ATP13A1: variants seen among roughly 807,000 people sequenced by gnomAD.
ATP13A1 encodes ATPase 13A1, also known as endoplasmic reticulum transmembrane helix translocase.
ATP13A1 carries 55 observed loss-of-function variants against 134.8 expected under a neutral mutation model. That is an observed-to-expected ratio of 0.41 (90% confidence interval 0.33 to 0.51). The LOEUF (loss-of-function observed/expected upper bound fraction) is 0.51, where lower values mean the gene tolerates loss of function less well. Ranked by LOEUF, ATP13A1 falls within the 20% of genes least tolerant of loss-of-function variation. The pLI is 0.29. For synonymous variants in ATP13A1, 775 were observed against 725.1 expected (o/e 1.07, Z -1.10); for missense variants, 1,389 against 1,652.8 (o/e 0.84, Z 2.77).
At chr19:19,651,469 G>T in intron 17 of ATP13A1, 1 of 453,026 alleles carries the variant, frequency 2.2e-6, no homozygotes, top group African/African-American at 2.0e-5. Flanking sequence ...CCTCATTATG[G>T]TAAATAAACA....
At chr19:19,662,400 G>A in intron 1 of ATP13A1, 3 of 979,686 alleles carry the variant, frequency 3.1e-6, no homozygotes, top group Non-Finnish European at 3.6e-6. Context: ...CCTTGATGCT[G>A]TTCCCTTTTC....
Position 19,647,492 on chromosome 19 carries a change from C to T in ATP13A1, c.2830G>A (p.Glu944Lys), listed in dbSNP as rs529487345. The change falls in exon 21 of 26, where the codon GAG (glutamate) becomes AAG (lysine). Residue 944 changes from glutamate to lysine, a missense_variant. Physicochemically the swap from Glu to Lys is moderately conservative, Grantham distance 56. Transcript: ENST00000357324. This position sits in a 1 kb window ranked among gnomAD's most constrained non-coding sequence, Gnocchi z 4.8. Reference protein sequence around the residue: ...LSQVLRDLEDESTPIVKLGDA... With the variant: ...LSQVLRDLEDKSTPIVKLGDA... ...CCCAGTTTCACAATGGGCGTACTCT[C>T]GTCCTCGAGGTCTCGCAGCACCTGG... 8.1e-6 allele frequency: 13 copies of T among 1,613,176 alleles called. No individual in the cohort carries two copies. The highest frequency in any genetic ancestry group is 4.5e-5 in the East Asian group (2 of 44,856).
At position 19,653,744 on chromosome 19, in the gene ATP13A1, C is replaced by T; in HGVS notation, c.2100+40G>A. ...GGTGACTCAGGGAGGAGCTGACGGG[C>T]CAGGCACATGGTGAAGGCAGGGGGA... On this transcript the variant is annotated intron_variant, in intron 15 of 25. Transcript: ENST00000357324. The surrounding 1 kb of genome is among the most constrained non-coding windows in gnomAD (Gnocchi z 4.2). 3 of 1,501,516 alleles carry T rather than the reference C, an allele frequency of 2.0e-6. 1 individual carries two copies. In the Admixed American group the frequency reaches 5.9e-5, roughly 30 times the overall value. The allele number at this position is 1,501,516 out of a possible 1,614,324, so 93.0% of individuals were successfully genotyped here. A position where few individuals can be genotyped will look rare whatever the true frequency, so the allele number is the denominator to read the frequency against.
chr19:19,649,077 G>A (rs916098784), intron 19 of ATP13A1, among the ~76,000 whole-genome samples: 2 of 151,926 alleles, frequency 1.3e-5, no homozygotes, highest in Non-Finnish European at 1.5e-5. Flanking sequence ...AGCCCAGATC[G>A]TGCCATTGTA....
chr19:19,652,848 T>A, intron 15 of ATP13A1, 128 bp from the exon 16 acceptor site: 3 of 1,314,592 alleles, frequency 2.3e-6, no homozygotes, highest in Non-Finnish European at 3.0e-6. Flanking sequence ...AGTGGGCACA[T>A]GCGAGGGTTG....
intron 22 of ATP13A1, chr19:19,646,816 C>A: frequency 2.3e-6 from 1 of 441,344 alleles, no homozygotes; most frequent in Admixed American, 3.9e-5. Context: ...CCAGCCTGTC[C>A]TGTGTAGCCT....
At chr19:19,657,769 G>T (rs1425872769) in intron 3 of ATP13A1, among the ~76,000 whole-genome samples, 1 of 152,188 alleles carries the variant, frequency 6.6e-6, no homozygotes, top group Non-Finnish European at 1.5e-5. Context: ...CTGATTGAAA[G>T]ATGGAGGCCC....
chr19:19,655,253 T>C lies in ATP13A1; in HGVS notation c.1535-14A>G, dbSNP rs1385977867. 3 of 1,613,354 alleles carry C rather than the reference T, an allele frequency of 1.9e-6. No individual in the cohort carries two copies. The highest frequency in any genetic ancestry group is 1.7e-5 in the Admixed American group (1 of 59,954). On this transcript the variant is annotated splice_polypyrimidine_tract_variant and intron_variant, in intron 11 of 25. Coordinates refer to ENST00000357324, the MANE Select transcript of ATP13A1 (RefSeq NM_020410.3). This position sits in a 1 kb window ranked among gnomAD's most constrained non-coding sequence, Gnocchi z 5.7. ...TGCAGTACATGTCTAGGGGCGGGAG[T>C]GAGGTCAGGGGTCCTGCTTGGCCCC... is the stretch of plus-strand genomic sequence containing the variant.
rs1239203348 is a variant in ATP13A1 at position 19,656,946 on chromosome 19, G to T, written c.907-30C>A. On this transcript the variant is annotated intron_variant, in intron 5 of 25. Coordinates refer to ENST00000357324, the MANE Select transcript of ATP13A1 (RefSeq NM_020410.3). The surrounding 1 kb of genome is among the most constrained non-coding windows in gnomAD (Gnocchi z 4.6). Reference sequence around the variant, plus strand: ...GCGGGGCATGGGTGTCAGCACAGAAGCCGCACCTGTGCTGCACCCCCAACC... The same window carrying T: ...GCGGGGCATGGGTGTCAGCACAGAATCCGCACCTGTGCTGCACCCCCAACC... The T allele has an allele frequency of 6.2e-7, 1 of 1,605,186 alleles. No individual in the cohort carries two copies. Among genetic ancestry groups the T allele is most frequent in the Admixed American group, 1.7e-5 (1 of 58,644 alleles).
rs144193693 is a variant in ATP13A1, at chr19:19,656,456, G to A, written c.1083+204C>T. On this transcript the variant is annotated intron_variant, in intron 7 of 25. Coordinates refer to ENST00000357324, the MANE Select transcript of ATP13A1 (RefSeq NM_020410.3). The surrounding 1 kb of genome is among the most constrained non-coding windows in gnomAD (Gnocchi z 4.6). ...AGCCCACCTTGGTCTGACATCCCAG[G>A]GCACCAATGTACCCTGGATGCCCTT... is the stretch of plus-strand genomic sequence containing the variant. Among the ~76,000 whole-genome samples the A allele has an allele frequency of 5.7e-3, 862 of 152,130 alleles. 9 individuals are homozygous for A. The highest frequency in any genetic ancestry group is 9.8e-3 in the Non-Finnish European group (663 of 67,974).
chr19:19,655,848 G>T lies in ATP13A1; in HGVS notation c.1269+30C>A, dbSNP rs972950790. ...TACCTTGGCTGTCCAACTGCCCTGG[G>T]GCCCGCCCTCCCCAGACCTGGCCCC... is the stretch of plus-strand genomic sequence containing the variant. On this transcript the variant is annotated intron_variant, in intron 9 of 25. Transcript: ENST00000357324. This position sits in a 1 kb window ranked among gnomAD's most constrained non-coding sequence, Gnocchi z 5.7. 6.4e-7 allele frequency: 1 copy of T among 1,561,306 alleles called. No homozygotes were observed. Among genetic ancestry groups the T allele is most frequent in the African/African-American group, 1.4e-5 (1 of 74,022 alleles).
At chr19:19,657,461 G>A (rs2062067032) in intron 3 of ATP13A1, 53 bp from the exon 4 acceptor site, 22 of 1,526,364 alleles carry the variant, frequency 1.4e-5, no homozygotes, top group Admixed American at 2.0e-5. Flanking sequence ...CTGGGGTATG[G>A]AGTCTCCACC....
At chr19:19,662,958 A>G in intron 1 of ATP13A1, 1 of 509,598 alleles carries the variant, frequency 2.0e-6, no homozygotes, top group South Asian at 2.0e-5. Flanking sequence ...ACTAGTATAA[A>G]CAACTCCTAC....
At chr19:19,658,659 C>T (rs527411548) in intron 3 of ATP13A1, among the ~76,000 whole-genome samples, 2 of 152,272 alleles carry the variant, frequency 1.3e-5, no homozygotes, top group African/African-American at 4.8e-5. Flanking sequence ...CTCCCAGCCA[C>T]GTGTCAGCAT....
At chr19:19,654,503 G>A (rs377059177) in intron 13 of ATP13A1, 40 bp downstream of exon 13, 6 of 1,561,972 alleles carry the variant, frequency 3.8e-6, no homozygotes, top group Non-Finnish European at 5.2e-6. Flanking sequence ...GTGAGAGCCA[G>A]TGGCTCCCCC....
At chr19:19,652,564 G>A in intron 16 of ATP13A1, 31 bp downstream of exon 16, 1 of 1,595,840 alleles carries the variant, frequency 6.3e-7, no homozygotes, top group Non-Finnish European at 8.5e-7. Context: ...TATTTCCCAT[G>A]CAGAGGGTGG....
chr19:19,648,807 C>CAAA (rs71172506), intron 19 of ATP13A1, among the ~76,000 whole-genome samples: 10,066 of 40,160 alleles, frequency 0.25, 1,315 homozygotes, highest in African/African-American at 0.34. Context: ...GAAACTGTCT[C>CAAA]AAAAAAAAAA....
In ATP13A1 at chr19:19,655,481, A is replaced by G. The variant is rs755627920; in HGVS notation, c.1397-28T>C. On this transcript the variant is annotated intron_variant, in intron 10 of 25. Transcript: ENST00000357324. The surrounding 1 kb of genome is among the most constrained non-coding windows in gnomAD (Gnocchi z 5.7). ...GTGGAGACAGGGCCTGCCAACCTGG[A>G]GCCTCGGAGGGTGGGCGCAGGGGAC... The G allele has an allele frequency of 3.1e-6, 5 of 1,613,874 alleles. No homozygotes were observed. Among genetic ancestry groups the G allele is most frequent in the Non-Finnish European group, 4.2e-6 (5 of 1,179,836 alleles).
chr19:19,650,982 C>T (rs1366723934), intron 17 of ATP13A1: 1 of 152,258 alleles, frequency 6.6e-6, no homozygotes, highest in Non-Finnish European at 1.5e-5. Context: ...GGGCATTGCT[C>T]AAAGAGGTCA....
Sources: allele counts gnomAD v4.1 joint callset (sites outside exome capture counted in the v4.1 genomes callset), GRCh38; gene constraint gnomAD v4.1.1; non-coding constraint Gnocchi (gnomAD v3.1); transcripts MANE v1.5; gene names NCBI Gene and HGNC (gene_info 2026-07-23, HGNC 2026-07-21).